Variants in ATRNL1 observed in about 807,000 individuals in gnomAD.
ATRNL1 encodes attractin-like protein 1.
Under a neutral mutation model 182.7 loss-of-function variants are expected in ATRNL1, and 95 were observed. That is an observed-to-expected ratio of 0.52 (90% CI 0.44 to 0.62). The LOEUF (loss-of-function observed/expected upper bound fraction) is 0.62, where lower values mean the gene tolerates loss of function less well. Ranked by LOEUF, ATRNL1 falls within the 20% of genes least tolerant of loss-of-function variation. The probability of loss-of-function intolerance (pLI) is 0.00; values close to 1 mark genes in which losing one functional copy is unlikely to be tolerated. For synonymous variants in ATRNL1, 576 were observed against 568.3 expected (o/e 1.01, Z -0.19); for missense variants, 1,471 against 1,679.5 (o/e 0.88, Z 2.17).
At chr10:115,474,067 A>G (rs764374444) in intron 24 of ATRNL1, among the ~76,000 whole-genome samples, 3 of 151,232 alleles carry the variant, frequency 2.0e-5, no homozygotes, top group Non-Finnish European at 3.0e-5. Flanking sequence ...TATTTCCACC[A>G]TGATCTTTAT....
intron 21 of ATRNL1, among the ~76,000 whole-genome samples, chr10:115,459,345 CT>C (rs1554969280): frequency 1.3e-5 from 2 of 152,142 alleles, no homozygotes; most frequent in African/African-American, 4.8e-5. Flanking sequence ...TATTTCTCTT[CT>C]TTCAAAAGCA....
chr10:115,345,198 C>G (rs1855921816), intron 19 of ATRNL1, among the ~76,000 whole-genome samples: 1 of 152,210 alleles, frequency 6.6e-6, no homozygotes, highest in African/African-American at 2.4e-5. Context: ...CCTTATGGCC[C>G]AGACTGCCTT....
At chr10:115,389,805 T>G (rs117900864) in intron 19 of ATRNL1, among the ~76,000 whole-genome samples, 1 of 151,834 alleles carries the variant, frequency 6.6e-6, no homozygotes, top group Non-Finnish European at 1.5e-5. Flanking sequence ...TTATTTTAAA[T>G]TTTCACCAAC....
intron 10 of ATRNL1, among the ~76,000 whole-genome samples, chr10:115,254,638 T>G (rs188880790): frequency 2.5e-4 from 38 of 152,344 alleles, no homozygotes; most frequent in African/African-American, 8.4e-4. Flanking sequence ...CTCTTTAGTT[T>G]AATTAGATTC....
chr10:115,217,817 T>C (rs1554896612), intron 9 of ATRNL1, among the ~76,000 whole-genome samples: 2 of 152,188 alleles, frequency 1.3e-5, no homozygotes, highest in Admixed American at 6.5e-5. Context: ...TTTTAATGGG[T>C]CTTAAATTTC....
chr10:115,633,130 C>T (rs35457467), intron 26 of ATRNL1, among the ~76,000 whole-genome samples: 4 of 152,112 alleles, frequency 2.6e-5, no homozygotes, highest in East Asian at 3.9e-4. Context: ...AGGCTGGCCT[C>T]GAACTCCTCA....
intron 26 of ATRNL1, among the ~76,000 whole-genome samples, chr10:115,686,124 C>A (rs1016597256): frequency 1.3e-4 from 20 of 151,554 alleles, no homozygotes; most frequent in African/African-American, 4.8e-4. Flanking sequence ...TTTAAAATAG[C>A]TTAGCATTTT....
At chr10:115,443,999 T>G (rs1051687001) in intron 21 of ATRNL1, among the ~76,000 whole-genome samples, 1 of 152,080 alleles carries the variant, frequency 6.6e-6, no homozygotes, top group Admixed American at 6.6e-5. Context: ...ACATACCTCT[T>G]TAGAGTATTT....
chr10:115,281,750 ATG>A (rs1211242238), intron 14 of ATRNL1, among the ~76,000 whole-genome samples: 1 of 151,760 alleles, frequency 6.6e-6, no homozygotes, highest in Non-Finnish European at 1.5e-5. Context: ...AATCTTAAAA[ATG>A]TAGAAAATAA....
At chr10:115,393,707 G>A (rs1411579924) in intron 19 of ATRNL1, among the ~76,000 whole-genome samples, 1 of 152,072 alleles carries the variant, frequency 6.6e-6, no homozygotes, top group Non-Finnish European at 1.5e-5. Context: ...AAGAGAAAGT[G>A]GATGACAATA....
intron 26 of ATRNL1, among the ~76,000 whole-genome samples, chr10:115,654,881 C>T (rs1860237775): frequency 1.3e-5 from 2 of 152,142 alleles, no homozygotes; most frequent in African/African-American, 2.4e-5. Context: ...TGATGCTGTG[C>T]CAGTTTCTTA....
intron 3 of ATRNL1, among the ~76,000 whole-genome samples, chr10:115,125,884 C>A (rs538701999): frequency 6.6e-6 from 1 of 152,262 alleles, no homozygotes; most frequent in South Asian, 2.1e-4. Flanking sequence ...GGGTAAATGA[C>A]CTCAATGCCT....
chr10:115,743,238 T>TAAAAAAAAA (rs67671102), intron 27 of ATRNL1, among the ~76,000 whole-genome samples: 2 of 115,960 alleles, frequency 1.7e-5, no homozygotes, highest in African/African-American at 6.5e-5. Context: ...TCTCTTATAG[T>TAAAAAAAAA]AAAAAAAAAA....
At chr10:115,762,621 T>C (rs1446316745) in intron 27 of ATRNL1, among the ~76,000 whole-genome samples, 2 of 152,100 alleles carry the variant, frequency 1.3e-5, no homozygotes, top group African/African-American at 4.8e-5. Context: ...GGAGAAAGGG[T>C]ACATTTACAT....
chr10:115,168,912 A>AT lies in ATRNL1; in HGVS notation c.1093-2115dup, dbSNP rs1173437759. Among the ~76,000 whole-genome samples the AT allele has an allele frequency of 2.7e-4, 39 of 143,774 alleles. 1 individual carries two copies. In the South Asian group the frequency reaches 5.5e-3, roughly 20 times the overall value. The allele number at this position is 143,774 out of a possible 152,430, so 94.3% of individuals were successfully genotyped here. ...TCTCAGGTCATAAAGACTTAACCCA[A>AT]TTTTTTTTTTCTTTTAAGAGTTTTA... is the stretch of plus-strand genomic sequence containing the variant. On this transcript the variant is annotated intron_variant, in intron 7 of 28. Coordinates refer to ENST00000355044, the MANE Select transcript of ATRNL1 (RefSeq NM_207303.4).
chr10:115,347,958 A>G lies in ATRNL1; in HGVS notation c.3175+13539A>G, dbSNP rs1247662380. Among the ~76,000 whole-genome samples, 4 of 152,004 alleles carry G rather than the reference A, an allele frequency of 2.6e-5. No homozygotes were observed. In the East Asian group the frequency reaches 5.8e-4, roughly 22 times the overall value. Reference sequence around the variant, plus strand: ...TGGCAATGCCACTGTCACCTTGGATAAATTATTTAACTTTTAACTTAATTT... The same window carrying G: ...TGGCAATGCCACTGTCACCTTGGATGAATTATTTAACTTTTAACTTAATTT... On this transcript the variant is annotated intron_variant, in intron 19 of 28. Coordinates refer to ENST00000355044, the MANE Select transcript of ATRNL1 (RefSeq NM_207303.4).
intron 24 of ATRNL1, among the ~76,000 whole-genome samples, chr10:115,515,414 C>A (rs1326948652): frequency 6.6e-6 from 1 of 151,114 alleles, no homozygotes; most frequent in Non-Finnish European, 1.5e-5. Context: ...GCCCACTGCC[C>A]ACTCAGAACT....
chr10:115,687,795 A>G (rs1555046769), intron 26 of ATRNL1, among the ~76,000 whole-genome samples: 1 of 152,070 alleles, frequency 6.6e-6, no homozygotes, highest in African/African-American at 2.4e-5. Context: ...AATGTTTATC[A>G]TTTTTAGTGT....
chr10:115,254,487 G>GT (rs1217377424), intron 10 of ATRNL1, among the ~76,000 whole-genome samples: 1 of 151,462 alleles, frequency 6.6e-6, no homozygotes, highest in Non-Finnish European at 1.5e-5. Flanking sequence ...GGGGTTGTTT[G>GT]TTTTTTTCTT....
Sources: gnomAD v4.1 joint callset for allele counts (sites outside exome capture counted in the v4.1 genomes callset) on GRCh38, gnomAD v4.1.1 for gene constraint, MANE v1.5 for transcripts, NCBI Gene and HGNC (gene_info 2026-07-23, HGNC 2026-07-21) for gene names.